The following STYK1 variants were observed in gnomAD, a reference collection of about 807,000 sequenced individuals.
STYK1 encodes tyrosine-protein kinase STYK1.
A neutral mutation model predicts 48.1 loss-of-function variants in STYK1; 46 were observed. The ratio of observed to expected loss-of-function variants is 0.96; its 90% CI spans 0.75 to 1.22. The LOEUF is 1.22. Among genes scored for constraint, STYK1 ranks in the 50% most tolerant of loss-of-function variants. STYK1 has a pLI of 0.00. For synonymous variants in STYK1, 188 were observed against 189.0 expected, an observed-to-expected ratio of 0.99 and a Z score of 0.04; for missense variants, 527 against 521.1, an observed-to-expected ratio of 1.01 and a Z score of -0.11.
At chr12:10,656,427 C>T (rs1217680392) in intron 1 of STYK1, among the ~76,000 whole-genome samples, 2 of 152,032 alleles carry the variant, frequency 1.3e-5, no homozygotes, top group African/African-American at 4.8e-5. Flanking sequence ...GAGATAGAGA[C>T]CATCCTGGCT....
In STYK1 at chr12:10,619,822, G is replaced by T; in HGVS notation, c.*322C>A. 1 of 412,782 alleles carries T rather than the reference G, an allele frequency of 2.4e-6. No individual in the cohort carries two copies. The highest frequency in any genetic ancestry group is 4.3e-6 in the Non-Finnish European group (1 of 234,910). 25.6% of individuals were successfully genotyped at this position (412,782 alleles called of 1,614,324 possible). A position where few individuals can be genotyped will look rare whatever the true frequency, so the allele number is the denominator to read the frequency against. On this transcript the variant is annotated 3_prime_UTR_variant, in exon 11 of 11. Transcript: ENST00000075503. ...TGTGGTTCCAGAGGAAACTAGCCTCGGACGGGAGGGATGAGCTTATTTGTG... is the reference window on the plus strand; with the variant it reads ...TGTGGTTCCAGAGGAAACTAGCCTCTGACGGGAGGGATGAGCTTATTTGTG...
intron 6 of STYK1, among the ~76,000 whole-genome samples, chr12:10,628,926 A>T (rs1222947286): frequency 6.6e-6 from 1 of 152,184 alleles, no homozygotes; most frequent in Non-Finnish European, 1.5e-5. Flanking sequence ...GATAATTGTT[A>T]TATATAAACA....
At chr12:10,645,286 G>T (rs1591690273) in intron 1 of STYK1, among the ~76,000 whole-genome samples, 1 of 152,296 alleles carries the variant, frequency 6.6e-6, no homozygotes, top group Non-Finnish European at 1.5e-5. Flanking sequence ...AGGTGGTGAG[G>T]ATGTGGAGAA....
intron 7 of STYK1, among the ~76,000 whole-genome samples, chr12:10,625,366 C>A (rs576576891): frequency 6.6e-6 from 1 of 152,012 alleles, no homozygotes; most frequent in Non-Finnish European, 1.5e-5. Context: ...TACAGGCACC[C>A]GCCACCACGC....
At chr12:10,630,663 C>A (rs1434558493) in intron 5 of STYK1, among the ~76,000 whole-genome samples, 2 of 151,428 alleles carry the variant, frequency 1.3e-5, no homozygotes, top group Admixed American at 1.3e-4. Flanking sequence ...TCATTTCAAT[C>A]AATGCAGAAA....
chr12:10,649,888 G>A (rs957573798), intron 1 of STYK1, among the ~76,000 whole-genome samples: 15 of 151,982 alleles, frequency 9.9e-5, no homozygotes, highest in Admixed American at 2.6e-4. Context: ...TGAGGCGGGC[G>A]GATCGCGAGG....
chr12:10,664,400 T>C (rs12231956), intron 1 of STYK1, among the ~76,000 whole-genome samples: 56,897 of 152,040 alleles, frequency 0.37, 12,002 homozygotes, highest in Non-Finnish European at 0.48. Flanking sequence ...ACTGAGATTC[T>C]AGTAAAAGTC....
intron 7 of STYK1, among the ~76,000 whole-genome samples, chr12:10,626,275 C>A (rs1328630121): frequency 6.6e-6 from 1 of 152,104 alleles, no homozygotes; most frequent in Non-Finnish European, 1.5e-5. Flanking sequence ...CCAATTTGAC[C>A]AATTCATCCC....
intron 1 of STYK1, among the ~76,000 whole-genome samples, chr12:10,670,754 G>A (rs983204412): frequency 4.0e-5 from 6 of 151,172 alleles, no homozygotes; most frequent in Non-Finnish European, 7.4e-5. Context: ...ACAAAAATAT[G>A]TGAAATAATA....
intron 9 of STYK1, 52 bp downstream of exon 9, chr12:10,622,586 C>G: frequency 6.2e-7 from 1 of 1,606,832 alleles, no homozygotes; most frequent in Non-Finnish European, 8.5e-7. Context: ...CTTAAATAAA[C>G]ACGCTTGCAT....
Position 10,647,910 on chromosome 12 carries a change from G to C in STYK1, c.-194-10714C>G, listed in dbSNP as rs116772078. Among the ~76,000 whole-genome samples the C allele has an allele frequency of 7.7e-3, 1,173 of 152,266 alleles. 17 individuals carry two copies. Among genetic ancestry groups the C allele is most frequent in the African/African-American group, 0.028 (1,146 of 41,540 alleles). ...CTTGCTCTGCCTTGTCTTCTGCCAT[G>C]ATTGTAAGGCCTCCCCAGCCACTCA... On this transcript the variant is annotated intron_variant, in intron 1 of 10. Transcript: ENST00000075503.
chr12:10,633,708 C>T (rs1160844031), intron 4 of STYK1, among the ~76,000 whole-genome samples: 1 of 152,094 alleles, frequency 6.6e-6, no homozygotes, highest in Non-Finnish European at 1.5e-5. Context: ...TCCTTAGGCA[C>T]TCATATAGTC....
At chr12:10,669,607 C>G (rs1220402132) in intron 1 of STYK1, among the ~76,000 whole-genome samples, 1 of 151,736 alleles carries the variant, frequency 6.6e-6, no homozygotes, top group Admixed American at 6.6e-5. Context: ...AAAGCACAGG[C>G]AACAAAAGCA....
At chr12:10,620,495 T>G in intron 10 of STYK1, 147 bp from the exon 11 acceptor site, 1 of 708,162 alleles carries the variant, frequency 1.4e-6, no homozygotes, top group South Asian at 1.8e-5. Context: ...TCCCAGAGAG[T>G]GATATTCCTT....
Position 10,620,093 on chromosome 12 carries a change from T to A in STYK1, c.*51A>T. On this transcript the variant is annotated 3_prime_UTR_variant, in exon 11 of 11. Transcript: ENST00000075503. The stretch of plus-strand genomic sequence containing the variant: ...AGACCATTCTCTGTTCTTAGAGGAA[T>A]TGATTCCAAGAACATATACTCATGC... 6.3e-7 allele frequency: 1 copy of A among 1,587,572 alleles called. No individual in the cohort carries two copies. The highest frequency in any genetic ancestry group is 8.6e-7 in the Non-Finnish European group (1 of 1,156,416).
chr12:10,657,585 G>A (rs943902095), intron 1 of STYK1, among the ~76,000 whole-genome samples: 2 of 152,144 alleles, frequency 1.3e-5, no homozygotes, highest in African/African-American at 4.8e-5. Flanking sequence ...AATTAGATTT[G>A]CTAAATACTT....
intron 1 of STYK1, among the ~76,000 whole-genome samples, chr12:10,644,600 GTGA>G (rs1387764254): frequency 1.3e-5 from 2 of 152,182 alleles, no homozygotes; most frequent in Non-Finnish European, 2.9e-5. Flanking sequence ...AATATCAATT[GTGA>G]AACTAATAAT....
intron 1 of STYK1, among the ~76,000 whole-genome samples, chr12:10,656,013 TGTAGCTCCC>T (rs1253699870): frequency 1.4e-4 from 22 of 152,348 alleles, no homozygotes; most frequent in African/African-American, 4.3e-4. Flanking sequence ...AATCTCATCT[TGTAGCTCCC>T]ATAATTCCCA....
At chr12:10,644,993 TGGAGTTCCAAC>T (rs1947583945) in intron 1 of STYK1, among the ~76,000 whole-genome samples, 1 of 152,052 alleles carries the variant, frequency 6.6e-6, no homozygotes, top group South Asian at 2.1e-4. Flanking sequence ...AAAGAATCCA[TGGAGTTCCAAC>T]GGATAAGGGC....
Sources: allele counts gnomAD v4.1 joint callset (sites outside exome capture counted in the v4.1 genomes callset), GRCh38; gene constraint gnomAD v4.1.1; transcripts MANE v1.5; gene names NCBI Gene and HGNC (gene_info 2026-07-23, HGNC 2026-07-21).